The following AGR2 variants were observed in gnomAD, a reference collection of about 807,000 sequenced individuals.
The protein encoded by AGR2 is anterior gradient 2, protein disulphide isomerase family member, also known as anterior gradient protein 2 homolog.
A neutral mutation model predicts 25.9 loss-of-function variants in AGR2; 27 were observed. The observed-to-expected ratio is 1.04, with a 90% CI of 0.77 to 1.44. AGR2 has a LOEUF of 1.44. Among genes scored for constraint, AGR2 ranks in the 40% most tolerant of loss-of-function variants. The pLI is 0.00. For synonymous variants in AGR2, 78 were observed against 72.0 expected (o/e 1.08, Z -0.42); for missense variants, 182 against 200.9 (o/e 0.91, Z 0.57).
chr7:16,795,812 T>C (rs1785035936), intron 6 of AGR2, among the ~76,000 whole-genome samples: 1 of 152,194 alleles, frequency 6.6e-6, no homozygotes, highest in Admixed American at 6.5e-5. Flanking sequence ...GTGAGAACCA[T>C]CTGCATGTTT....
rs1785209272 is a variant in AGR2, at chr7:16,804,924, A to G, written c.-8+11T>C. 1.3e-5 allele frequency: 2 copies of G among 152,388 alleles called. No individual in the cohort carries two copies. The highest frequency in any genetic ancestry group is 4.1e-4 in the South Asian group (2 of 4,832). 9.4% of individuals were successfully genotyped at this position (152,388 alleles called of 1,614,324 possible). A position where few individuals can be genotyped will look rare whatever the true frequency, so the allele number is the denominator to read the frequency against. Reference sequence around the variant, plus strand: ...CAAGTACCCTTCTAAAGCTGCTGTCAGGAGCCTTACCTGGATTTCCTCACC... The same window carrying G: ...CAAGTACCCTTCTAAAGCTGCTGTCGGGAGCCTTACCTGGATTTCCTCACC... On this transcript the variant is annotated intron_variant, in intron 1 of 7. Transcript: ENST00000419304.
At chr7:16,800,016 C>T (rs1170096505) in intron 4 of AGR2, among the ~76,000 whole-genome samples, 199 bp from the exon 5 acceptor site, 1 of 151,740 alleles carries the variant, frequency 6.6e-6, no homozygotes, top group African/African-American at 2.4e-5. Context: ...CTCATTCATC[C>T]ATTCATTCAT....
chr7:16,792,928 A>C lies in AGR2; in HGVS notation c.508T>G (p.Leu170Val), dbSNP rs1392933920. Reference sequence around the variant, plus strand: ...TTTCTTTACAATTCAGTCTTCAGCAACTTGAGAGCTTTCTTCATGTTGTCA... The same window carrying C: ...TTTCTTTACAATTCAGTCTTCAGCACCTTGAGAGCTTTCTTCATGTTGTCA... ...LLDNMKKALK[L>V]LKTEL is the part of the protein sequence containing the mutation. Residue 170 changes from leucine (L) to valine (V), a missense_variant, in exon 8 of 8, where the codon TTG becomes GTG. Coordinates refer to ENST00000419304, the MANE Select transcript of AGR2 (RefSeq NM_006408.4). 1 of 1,614,052 alleles carries C rather than the reference A, an allele frequency of 6.2e-7. No homozygotes were observed. Among genetic ancestry groups the C allele is most frequent in the Non-Finnish European group, 8.5e-7 (1 of 1,179,996 alleles).
rs1784974644 is a variant in AGR2 at position 16,792,100 on chromosome 7, C to T, written c.*808G>A. On this transcript the variant is annotated 3_prime_UTR_variant, in exon 8 of 8. Coordinates refer to ENST00000419304, the MANE Select transcript of AGR2 (RefSeq NM_006408.4). ...ATCTGCCTCATCAACACGTCACCAC[C>T]CTTTGCTCTTCTTCCAATTAGTCAC... 1 of 152,182 alleles carries T rather than the reference C, an allele frequency of 6.6e-6. No individual in the cohort carries two copies. The highest frequency in any genetic ancestry group is 1.5e-5 in the Non-Finnish European group (1 of 68,078). The allele number at this position is 152,182 out of a possible 1,614,324, so 9.4% of individuals were successfully genotyped here. A position where few individuals can be genotyped will look rare whatever the true frequency, so the allele number is the denominator to read the frequency against.
Position 16,791,884 on chromosome 7 carries a change from C to T in AGR2, c.*1024G>A, listed in dbSNP as rs1004957545. On this transcript the variant is annotated 3_prime_UTR_variant, in exon 8 of 8. Coordinates refer to ENST00000419304, the MANE Select transcript of AGR2 (RefSeq NM_006408.4). ...AGATACTGCAAAGCATTATATACAGCACCATAGTCCAGGGGCCAAAGAAAT... is the reference window on the plus strand; with the variant it reads ...AGATACTGCAAAGCATTATATACAGTACCATAGTCCAGGGGCCAAAGAAAT... 2 of 152,216 alleles carry T rather than the reference C, an allele frequency of 1.3e-5. No homozygotes were observed. Among genetic ancestry groups the T allele is most frequent in the African/African-American group, 4.8e-5 (2 of 41,428 alleles). 9.4% of individuals were successfully genotyped at this position (152,216 alleles called of 1,614,324 possible). A position where few individuals can be genotyped will look rare whatever the true frequency, so the allele number is the denominator to read the frequency against.
chr7:16,801,866 A>T, intron 1 of AGR2, 63 bp from the exon 2 acceptor site: 4 of 1,476,616 alleles, frequency 2.7e-6, no homozygotes, highest in Non-Finnish European at 3.7e-6. Context: ...CAGGGTCTGC[A>T]GGTTGCCCCA....
intron 1 of AGR2, among the ~76,000 whole-genome samples, chr7:16,803,381 C>T (rs1015355761): frequency 8.5e-5 from 13 of 152,080 alleles, no homozygotes; most frequent in Non-Finnish European, 1.2e-4. Flanking sequence ...TATGAAACCC[C>T]GGCACCTAAC....
At chr7:16,797,902 G>A (rs1364404079) in intron 5 of AGR2, among the ~76,000 whole-genome samples, 1 of 152,130 alleles carries the variant, frequency 6.6e-6, no homozygotes, top group Non-Finnish European at 1.5e-5. Flanking sequence ...AGTGCTGAAT[G>A]GATGTGATAA....
rs1784971029 is a variant in AGR2 at position 16,791,839 on chromosome 7, A to G, written c.*1069T>C. On this transcript the variant is annotated 3_prime_UTR_variant, in exon 8 of 8. Coordinates refer to ENST00000419304, the MANE Select transcript of AGR2 (RefSeq NM_006408.4). ...GTTCAAAAAAGGTTTTATCCAAAAA[A>G]GTTAATCAAGACAAGCAACAGATAC... 1.3e-5 allele frequency: 2 copies of G among 152,208 alleles called. No individual in the cohort carries two copies. Among genetic ancestry groups the G allele is most frequent in the Admixed American group, 1.3e-4 (2 of 15,284 alleles). 9.4% of individuals were successfully genotyped at this position (152,208 alleles called of 1,614,324 possible). A position where few individuals can be genotyped will look rare whatever the true frequency, so the allele number is the denominator to read the frequency against.
intron 4 of AGR2, 77 bp from the exon 5 acceptor site, chr7:16,799,894 C>A (rs1269649344): frequency 2.0e-6 from 2 of 998,970 alleles, no homozygotes; most frequent in Non-Finnish European, 3.0e-6. Context: ...AGTTAAATTG[C>A]ATTTTATTTA....
chr7:16,796,815 TTAA>T (rs745718984), intron 6 of AGR2, among the ~76,000 whole-genome samples: 6 of 151,630 alleles, frequency 4.0e-5, no homozygotes, highest in Non-Finnish European at 8.8e-5. Flanking sequence ...GATTGGGGAG[TTAA>T]TGATGTGAAA....
Position 16,801,149 on chromosome 7 carries a change from A to C in AGR2, c.256+2T>G, listed in dbSNP as rs753915618. 1.6e-5 allele frequency: 25 copies of C among 1,612,836 alleles called. No individual in the cohort carries two copies. The highest frequency in any genetic ancestry group is 2.1e-5 in the Non-Finnish European group (25 of 1,179,182). ...GAAATCATACTTAGAAGAATAAATT[A>C]CCTTGACTGTGTGGGCACTCATCCA... is the stretch of plus-strand genomic sequence containing the variant. On this transcript the variant is annotated splice_donor_variant, in intron 4 of 7. Coordinates refer to ENST00000419304, the MANE Select transcript of AGR2 (RefSeq NM_006408.4). LOFTEE classifies it high-confidence loss of function.
intron 6 of AGR2, among the ~76,000 whole-genome samples, chr7:16,797,087 A>G (rs1430640581): frequency 9.0e-6 from 1 of 111,574 alleles, no homozygotes; most frequent in African/African-American, 4.1e-5. Flanking sequence ...ACGCCTGGCT[A>G]ATTTTTTTTT....
chr7:16,803,575 A>G (rs1334154483), intron 1 of AGR2, among the ~76,000 whole-genome samples: 3 of 152,212 alleles, frequency 2.0e-5, no homozygotes, highest in East Asian at 1.9e-4. Flanking sequence ...TAACTGACCA[A>G]TGATTAACTA....
intron 6 of AGR2, among the ~76,000 whole-genome samples, chr7:16,796,513 G>C (rs944140855): frequency 1.3e-5 from 2 of 152,116 alleles, no homozygotes; most frequent in Non-Finnish European, 2.9e-5. Context: ...ATGAATTGTT[G>C]TAAGTGATGG....
intron 6 of AGR2, among the ~76,000 whole-genome samples, chr7:16,797,353 A>C (rs998720448): frequency 1.3e-5 from 2 of 152,256 alleles, no homozygotes; most frequent in Non-Finnish European, 2.9e-5. Context: ...CAATATGTTT[A>C]AATAGTGAAT....
At chr7:16,799,379 G>T (rs1314370061) in intron 5 of AGR2, among the ~76,000 whole-genome samples, 1 of 152,154 alleles carries the variant, frequency 6.6e-6, no homozygotes, top group African/African-American at 2.4e-5. Flanking sequence ...CATGATTAGA[G>T]TTGGAAAGCC....
Position 16,801,313 on chromosome 7 carries a change from T to A in AGR2, c.203+7A>T. On this transcript the variant is annotated splice_region_variant and intron_variant, in intron 3 of 7. Transcript: ENST00000419304. The stretch of plus-strand genomic sequence containing the variant: ...TTGAGGGAGCTCTGAGTAATCCTGA[T>A]CTTTACCTTGTCTTGGATTTATATA... 6.2e-7 allele frequency: 1 copy of A among 1,613,678 alleles called. No individual in the cohort carries two copies. Among genetic ancestry groups the A allele is most frequent in the South Asian group, 1.1e-5 (1 of 91,024 alleles).
intron 4 of AGR2, 30 bp downstream of exon 4, chr7:16,801,121 A>C: frequency 5.6e-6 from 9 of 1,600,600 alleles, no homozygotes; most frequent in Non-Finnish European, 7.7e-6. Context: ...AAAGCCTATA[A>C]AGGAAATCAT....
Sources: allele counts gnomAD v4.1 joint callset (sites outside exome capture counted in the v4.1 genomes callset), GRCh38; gene constraint gnomAD v4.1.1; transcripts MANE v1.5; gene names NCBI Gene and HGNC (gene_info 2026-07-23, HGNC 2026-07-21).